The following SNTG1 variants were observed in gnomAD, a reference collection of about 807,000 sequenced individuals.
SNTG1 encodes gamma-1-syntrophin.
SNTG1 carries 39 observed loss-of-function variants against 74.7 expected under a neutral mutation model. That is an observed-to-expected ratio of 0.52 (90% CI 0.40 to 0.68). The LOEUF is 0.68. SNTG1 is among the 30% of genes least tolerant of loss of function. SNTG1 has a pLI of 0.00. For missense variants in SNTG1, 685 were observed against 609.5 expected (o/e 1.12, Z -1.30); for synonymous variants, 254 against 217.1 (o/e 1.17, Z -1.49).
intron 2 of SNTG1, among the ~76,000 whole-genome samples, chr8:50,391,875 AT>A (rs1304153514): frequency 6.6e-6 from 1 of 152,150 alleles, no homozygotes; most frequent in African/African-American, 2.4e-5. Flanking sequence ...CCACACTATA[AT>A]AGTTAAAAAG....
rs755614850 is a variant in SNTG1 at position 50,792,846 on chromosome 8, T to A, written c.*17T>A. The A allele has an allele frequency of 6.2e-7, 1 of 1,609,516 alleles. No homozygotes were observed. The highest frequency in any genetic ancestry group is 8.5e-7 in the Non-Finnish European group (1 of 1,177,574). The stretch of plus-strand genomic sequence containing the variant: ...ACAACTTGACATACTGAACTCTTCA[T>A]TGACACACCCCATGACTGTATAAGC... On this transcript the variant is annotated 3_prime_UTR_variant, in exon 19 of 19. Transcript: ENST00000642720.
intron 1 of SNTG1, among the ~76,000 whole-genome samples, chr8:50,044,226 G>A (rs1031640017): frequency 6.6e-6 from 1 of 152,152 alleles, no homozygotes; most frequent in Non-Finnish European, 1.5e-5. Flanking sequence ...TATTTTACCA[G>A]TAAGTTAAGA....
rs2093576027 is a variant in SNTG1, at chr8:50,462,794, C to CTTTTTTTTTTTTTT, written c.363+12066_363+12067insTTTTTTTTTTTTTT. ...AACTCAGTCGCATCTTCAGGTTCTA[C>CTTTTTTTTTTTTTT]TCTTTTTTTTTTTTTTTTTTTTTTT... is the stretch of plus-strand genomic sequence containing the variant. On this transcript the variant is annotated intron_variant, in intron 8 of 18. Transcript: ENST00000642720. Among the ~76,000 whole-genome samples the CTTTTTTTTTTTTTT allele has an allele frequency of 5.7e-4, 25 of 43,628 alleles. 12 individuals are homozygous for CTTTTTTTTTTTTTT. The highest frequency in any genetic ancestry group is 7.5e-4 in the Non-Finnish European group (16 of 21,436). 28.6% of individuals were successfully genotyped at this position (43,628 alleles called of 152,430 possible). A position where few individuals can be genotyped will look rare whatever the true frequency, so the allele number is the denominator to read the frequency against.
At chr8:50,568,601 T>C (rs1242481307) in intron 12 of SNTG1, among the ~76,000 whole-genome samples, 1 of 152,116 alleles carries the variant, frequency 6.6e-6, no homozygotes, top group African/African-American at 2.4e-5. Context: ...GGTGACAATT[T>C]CTTCATATAC....
At chr8:50,192,289 C>A (rs1303557090) in intron 2 of SNTG1, among the ~76,000 whole-genome samples, 2 of 152,130 alleles carry the variant, frequency 1.3e-5, no homozygotes. Context: ...AACTCATCTG[C>A]TTTTTAGGTT....
intron 2 of SNTG1, among the ~76,000 whole-genome samples, chr8:50,250,183 T>C (rs903923993): frequency 4.6e-5 from 7 of 151,040 alleles, no homozygotes; most frequent in Non-Finnish European, 7.4e-5. Context: ...AAAAATACAA[T>C]AGAGAGTTTT....
chr8:49,963,800 C>T (rs1264422309), intron 1 of SNTG1, among the ~76,000 whole-genome samples: 3 of 152,220 alleles, frequency 2.0e-5, no homozygotes, highest in Non-Finnish European at 4.4e-5. Context: ...AATAGAACTT[C>T]ACAGAGACTT....
Position 50,657,991 on chromosome 8 carries a change from A to G in SNTG1, c.967-601A>G, listed in dbSNP as rs534812204. ...CAGGTCTAACTTGCTGCTGTTTTAA[A>G]TGTCTGTCTCTACACAAAGTTTAAA... On this transcript the variant is annotated intron_variant, in intron 14 of 18. Transcript: ENST00000642720. Among the ~76,000 whole-genome samples the G allele has an allele frequency of 3.3e-4, 51 of 152,246 alleles. No homozygotes were observed. The South Asian group carries it at 0.011, about 32-fold the overall frequency.
chr8:50,633,252 T>C (rs1409947003), intron 13 of SNTG1, among the ~76,000 whole-genome samples: 1 of 152,220 alleles, frequency 6.6e-6, no homozygotes, highest in Non-Finnish European at 1.5e-5. Flanking sequence ...GTGTTTCTAA[T>C]GGTTCTTCAC....
chr8:50,488,726 A>G (rs1379793355), intron 8 of SNTG1, among the ~76,000 whole-genome samples: 1 of 152,210 alleles, frequency 6.6e-6, no homozygotes, highest in Non-Finnish European at 1.5e-5. Context: ...CCAGCATGAC[A>G]CTTGGCCCAT....
At chr8:50,464,437 A>G (rs1284328241) in intron 8 of SNTG1, among the ~76,000 whole-genome samples, 1 of 152,134 alleles carries the variant, frequency 6.6e-6, no homozygotes, top group Non-Finnish European at 1.5e-5. Context: ...CAGCATAATT[A>G]CTTGGCCTAA....
intron 2 of SNTG1, among the ~76,000 whole-genome samples, chr8:50,363,921 G>T (rs965131910): frequency 6.6e-6 from 1 of 152,044 alleles, no homozygotes; most frequent in Non-Finnish European, 1.5e-5. Context: ...AACATAAAAG[G>T]GTGCAACTCA....
At chr8:50,671,358 A>G (rs1404870092) in intron 15 of SNTG1, among the ~76,000 whole-genome samples, 5 of 151,946 alleles carry the variant, frequency 3.3e-5, no homozygotes, top group Non-Finnish European at 7.4e-5. Flanking sequence ...AAAAAAACAA[A>G]CAACCCCATC....
intron 2 of SNTG1, among the ~76,000 whole-genome samples, chr8:50,207,962 T>G (rs1423684247): frequency 6.6e-6 from 1 of 152,198 alleles, no homozygotes; most frequent in African/African-American, 2.4e-5. Context: ...CTTTTACATT[T>G]GATGAGGAGT....
intron 11 of SNTG1, among the ~76,000 whole-genome samples, chr8:50,550,670 A>T (rs1240040335): frequency 6.7e-6 from 1 of 149,414 alleles, no homozygotes; most frequent in East Asian, 1.9e-4. Context: ...CTCTTCAGTG[A>T]TGTAATTTTT....
intron 11 of SNTG1, among the ~76,000 whole-genome samples, chr8:50,540,755 A>T (rs1477287985): frequency 6.6e-6 from 1 of 152,112 alleles, no homozygotes; most frequent in African/African-American, 2.4e-5. Flanking sequence ...TACCTTTGGA[A>T]ATGTTTCTTG....
chr8:50,697,767 T>C (rs1217639723), intron 15 of SNTG1, among the ~76,000 whole-genome samples: 1 of 152,204 alleles, frequency 6.6e-6, no homozygotes, highest in Non-Finnish European at 1.5e-5. Flanking sequence ...GAATCATTCT[T>C]GCATCTCTGG....
At chr8:49,929,111 T>A (rs190084336) in intron 1 of SNTG1, among the ~76,000 whole-genome samples, 2 of 152,106 alleles carry the variant, frequency 1.3e-5, no homozygotes, top group Non-Finnish European at 2.9e-5. Context: ...AGGACTTAAA[T>A]AACTAATAAA....
At chr8:50,240,780 A>G (rs905134753) in intron 2 of SNTG1, among the ~76,000 whole-genome samples, 2 of 152,212 alleles carry the variant, frequency 1.3e-5, no homozygotes, top group African/African-American at 4.8e-5. Context: ...AAGTTTATAT[A>G]AACTAATGCT....
Sources: allele counts gnomAD v4.1 joint callset (sites outside exome capture counted in the v4.1 genomes callset), GRCh38; gene constraint gnomAD v4.1.1; transcripts MANE v1.5; gene names NCBI Gene and HGNC (gene_info 2026-07-23, HGNC 2026-07-21).